Variants in SMG1 observed in about 807,000 individuals in gnomAD.
The protein encoded by SMG1 is SMG1 nonsense mediated mRNA decay associated PI3K related kinase, also known as serine/threonine-protein kinase SMG1.
Under a neutral mutation model 419.9 loss-of-function variants are expected in SMG1, and 22 were observed. The ratio of observed to expected loss-of-function variants is 0.05; its 90% CI spans 0.04 to 0.07. SMG1 has a LOEUF of 0.07. SMG1 is among the 10% of genes least tolerant of loss of function. The pLI is 1.00. For synonymous variants in SMG1, 1,538 were observed against 1,553.5 expected (o/e 0.99, Z 0.23); for missense variants, 3,185 against 4,342.0 (o/e 0.73, Z 7.49).
chr16:18,829,390 C>G lies in SMG1; in HGVS notation c.9499G>C (p.Asp3167His). Residue 3167 changes from aspartate (D) to histidine (H), a missense_variant, in exon 54 of 63, where the codon GAC (aspartate) becomes CAC (histidine). Around this residue, in one of 27 missense-constraint regions of SMG1, gnomAD observed 737 missense variants for 846.6 expected, o/e 0.87. Coordinates refer to ENST00000446231, the MANE Select transcript of SMG1 (RefSeq NM_015092.5). ...AAGTCATGCTTCTTCCAGGCAGTGT[C>G]GTAAGAACTTGCTAACACAGTTGCC... ...NRATVLASSY[D>H]TAWKKHDLVR... 6.2e-7 allele frequency: 1 copy of G among 1,613,996 alleles called. No individual in the cohort carries two copies. The highest frequency in any genetic ancestry group is 8.5e-7 in the Non-Finnish European group (1 of 1,179,892).
intron 15 of SMG1, 49 bp from the exon 16 acceptor site, chr16:18,871,531 C>CA (rs2035823008): frequency 4.2e-6 from 4 of 947,130 alleles, no homozygotes; most frequent in Admixed American, 6.1e-5. Context: ...AAACAAAAAC[C>CA]AAAAAACATT....
rs2036919818 is a variant in SMG1, at chr16:18,892,331, C to G, written c.436G>C (p.Glu146Gln). 1 of 1,549,462 alleles carries G rather than the reference C, an allele frequency of 6.5e-7. No homozygotes were observed. The highest frequency in any genetic ancestry group is 1.4e-5 in the African/African-American group (1 of 72,956). ...SQERSMSYSD[E>Q]SRLSNLLRRI... The stretch of plus-strand genomic sequence containing the variant: ...CGAAGAAGATTCGACAGTCGAGACT[C>G]ATCAGAATAAGACATCGATCTCTCT... Residue 146 changes from glutamate (E) to glutamine (Q), a missense_variant, in exon 4 of 63, where the codon GAG becomes CAG. Glu to Gln is a conservative substitution (Grantham distance 29). Coordinates refer to ENST00000446231, the MANE Select transcript of SMG1 (RefSeq NM_015092.5).
rs2030897403 is a variant in SMG1 at position 18,807,004 on chromosome 16, G to C, written c.*2565C>G. ...GCTTTTGAAGTCATCTATTACATCT[G>C]CCTTACAACCAAACCCACTGTGTAT... On this transcript the variant is annotated 3_prime_UTR_variant, in exon 63 of 63. Transcript: ENST00000446231. 6.6e-6 allele frequency: 1 copy of C among 152,202 alleles called. No homozygotes were observed. Among genetic ancestry groups the C allele is most frequent in the Non-Finnish European group, 1.5e-5 (1 of 68,044 alleles). 9.4% of individuals were successfully genotyped at this position (152,202 alleles called of 1,614,324 possible). A position where few individuals can be genotyped will look rare whatever the true frequency, so the allele number is the denominator to read the frequency against.
rs1360673297 is a variant in SMG1, at chr16:18,849,395, G to C, written c.5462-17C>G. On this transcript the variant is annotated splice_polypyrimidine_tract_variant and intron_variant, in intron 35 of 62. Coordinates refer to ENST00000446231, the MANE Select transcript of SMG1 (RefSeq NM_015092.5). ...GAATAATTCCTTCAGGACAAGAAGA[G>C]AGAAAGACACTTTAAAGTTATTTAA... The C allele has an allele frequency of 6.2e-7, 1 of 1,600,524 alleles. No homozygotes were observed. The highest frequency in any genetic ancestry group is 1.1e-5 in the South Asian group (1 of 90,180).
intron 1 of SMG1, among the ~76,000 whole-genome samples, chr16:18,913,888 G>A (rs549431022): frequency 4.6e-4 from 70 of 152,156 alleles, no homozygotes; most frequent in African/African-American, 1.6e-3. Context: ...CTCTGAGGCT[G>A]GGCGAGGTGG....
rs1243333582 is a variant in SMG1, at chr16:18,854,776, T to C, written c.4363A>G (p.Lys1455Glu). Residue 1455 changes from lysine (K) to glutamate (E), a missense_variant, in exon 30 of 63, where the codon AAG becomes GAG. Coordinates refer to ENST00000446231, the MANE Select transcript of SMG1 (RefSeq NM_015092.5). ...LAQCSEVQLGKTTTAQDLVQH... is the reference protein window; with the variant it reads ...LAQCSEVQLGETTTAQDLVQH... Reference sequence around the variant, plus strand: ...ACTAAATCCTGTGCAGTGGTGGTCTTTCCCAGCTGAACTTCACTGCACTGT... The same window carrying C: ...ACTAAATCCTGTGCAGTGGTGGTCTCTCCCAGCTGAACTTCACTGCACTGT... 6.2e-7 allele frequency: 1 copy of C among 1,614,050 alleles called. No homozygotes were observed. The highest frequency in any genetic ancestry group is 8.5e-7 in the Non-Finnish European group (1 of 1,179,894).
chr16:18,866,798 T>C (rs11648912), intron 22 of SMG1, 23 bp from the exon 23 acceptor site: 654,749 of 1,590,886 alleles, frequency 0.41, 140,953 homozygotes, highest in East Asian at 0.57. Context: ...TCAGAAAAAT[T>C]AGTCACCCAA....
chr16:18,916,092 A>AG (rs2037964784), intron 1 of SMG1, among the ~76,000 whole-genome samples: 3 of 84,828 alleles, frequency 3.5e-5, no homozygotes, highest in South Asian at 3.6e-4. Flanking sequence ...AAAAAAAACC[A>AG]GAAAAAAAAA....
chr16:18,897,085 A>C, intron 1 of SMG1, 129 bp from the exon 2 acceptor site: 1 of 609,860 alleles, frequency 1.6e-6, no homozygotes, highest in Non-Finnish European at 2.8e-6. Flanking sequence ...ACTATATATT[A>C]TATGTAAGCA....
chr16:18,821,217 G>GTTTTTTTTTTTTTTT (rs2032501770), intron 55 of SMG1, among the ~76,000 whole-genome samples: 1 of 31,736 alleles, frequency 3.2e-5, no homozygotes, highest in African/African-American at 1.1e-4. Flanking sequence ...TATTTAGTAT[G>GTTTTTTTTTTTTTTT]TTTCTTTTTT....
chr16:18,867,449 G>A (rs1162765490), intron 22 of SMG1, among the ~76,000 whole-genome samples: 1 of 151,612 alleles, frequency 6.6e-6, no homozygotes, highest in African/African-American at 2.4e-5. Flanking sequence ...GCTTGAACCT[G>A]AGAGGCAGAG....
At chr16:18,843,467 C>A (rs1330236054) in intron 39 of SMG1, among the ~76,000 whole-genome samples, 1 of 152,132 alleles carries the variant, frequency 6.6e-6, no homozygotes, top group Non-Finnish European at 1.5e-5. Context: ...CCCAAATTAA[C>A]AAATTCTGGA....
intron 1 of SMG1, among the ~76,000 whole-genome samples, chr16:18,907,109 C>T (rs887457854): frequency 6.6e-6 from 1 of 152,024 alleles, no homozygotes; most frequent in Non-Finnish European, 1.5e-5. Context: ...TATGACGAAA[C>T]CCCGTCTATG....
chr16:18,832,362 T>C (rs9922815), intron 51 of SMG1, among the ~76,000 whole-genome samples: 10,663 of 152,218 alleles, frequency 0.07, 381 homozygotes, highest in African/African-American at 0.094. Context: ...AAAAATACAA[T>C]ATCCAATTAG....
chr16:18,866,204 C>T (rs1451090453), intron 23 of SMG1: 1 of 188,642 alleles, frequency 5.3e-6, no homozygotes, highest in Non-Finnish European at 1.1e-5. Flanking sequence ...ATTAAACTAA[C>T]ATAAATGGAC....
At chr16:18,844,734 C>T (rs918215089) in intron 39 of SMG1, among the ~76,000 whole-genome samples, 2 of 152,022 alleles carry the variant, frequency 1.3e-5, no homozygotes, top group African/African-American at 4.8e-5. Flanking sequence ...CTTTTAATAG[C>T]TTTCTCACTG....
At chr16:18,881,074 C>T (rs1039445796) in intron 10 of SMG1, among the ~76,000 whole-genome samples, 23 of 150,306 alleles carry the variant, frequency 1.5e-4, no homozygotes, top group African/African-American at 4.9e-4. Flanking sequence ...GCTATGATTG[C>T]TCTACTACAC....
At chr16:18,837,493 GA>G in intron 45 of SMG1, 50 bp from the exon 46 acceptor site, 1 of 1,479,820 alleles carries the variant, frequency 6.8e-7, no homozygotes, top group Non-Finnish European at 9.3e-7. Flanking sequence ...CCAATTTTGA[GA>G]CACAACAGTG....
In SMG1 at chr16:18,829,306, G is replaced by A. The variant is rs759373030; in HGVS notation, c.9583C>T (p.Leu3195=). The A allele has an allele frequency of 6.2e-7, 1 of 1,613,182 alleles. No homozygotes were observed. The highest frequency in any genetic ancestry group is 8.5e-7 in the Non-Finnish European group (1 of 1,179,282). ...CTTACCTGAAACATGGCAATATGCA[G>A]CTGAACCCGCTGCAGGCTTGTCTTA... is the stretch of plus-strand genomic sequence containing the variant. ...SCKTSLQRVQ[L]HIAMFQWQHE... The change falls in exon 54 of 63, where the codon CTG becomes TTG. Residue 3195 remains leucine (L), a synonymous_variant. Transcript: ENST00000446231.
Sources: allele counts gnomAD v4.1 joint callset (sites outside exome capture counted in the v4.1 genomes callset), GRCh38; gene constraint gnomAD v4.1.1; regional missense constraint gnomAD v4.1.1; transcripts MANE v1.5; gene names NCBI Gene and HGNC (gene_info 2026-07-23, HGNC 2026-07-21).